Variants in SPACA6 observed in about 807,000 individuals in gnomAD.
The protein encoded by SPACA6 is sperm acrosome associated 6.
For synonymous variants in SPACA6, 6 were observed against 1.5 expected (o/e 4.05, Z -2.21); for missense variants, 8 against 2.8 (o/e 2.88, Z -1.34).
At chr19:51,706,102 T>G (rs1229160812), downstream of SPACA6, among the ~76,000 whole-genome samples, 1 of 152,162 alleles carries the variant, frequency 6.6e-6, no homozygotes, top group East Asian at 1.9e-4. Context: ...TGTCAAAGCC[T>G]CAGAGGTTCC....
At chr19:51,683,056 A>T in the SPACA6 span, among the ~76,000 whole-genome samples, 4 of 152,198 alleles carry the variant, frequency 2.6e-5, no homozygotes, top group African/African-American at 7.2e-5. Context: ...ACAAACAAGC[A>T]AAAACAGAAA....
chr19:51,700,400 T>C (rs2083459950), intron 2 of SPACA6, among the ~76,000 whole-genome samples: 1 of 152,234 alleles, frequency 6.6e-6, no homozygotes, highest in African/African-American at 2.4e-5. Context: ...CTCCAGCTAA[T>C]TGCTGCCTTA....
At chr19:51,702,029 A>C (rs1008755547) in intron 3 of SPACA6, among the ~76,000 whole-genome samples, 1 of 151,864 alleles carries the variant, frequency 6.6e-6, no homozygotes, top group Non-Finnish European at 1.5e-5. Context: ...CGAGATCGGC[A>C]CTCCAGCCTG....
At chr19:51,701,874 A>T (rs2083471050) in intron 3 of SPACA6, 148 bp downstream of exon 3, 4 of 374,116 alleles carry the variant, frequency 1.1e-5, no homozygotes, top group Non-Finnish European at 1.9e-5. Flanking sequence ...GGAGTTCAAA[A>T]GCAGTCTGAC....
upstream of SPACA6, among the ~76,000 whole-genome samples, chr19:51,691,903 A>T (rs368438194): frequency 6.6e-6 from 1 of 152,164 alleles, no homozygotes; most frequent in East Asian, 1.9e-4. Context: ...GGGGCTGGGC[A>T]GACTTTGGGA....
chr19:51,689,956 G>GT (rs2083355425), upstream of SPACA6, among the ~76,000 whole-genome samples: 1 of 146,280 alleles, frequency 6.8e-6, no homozygotes, highest in African/African-American at 2.5e-5. Context: ...CTGGAGGGGA[G>GT]GGGGAGGCGC....
Position 51,704,475 on chromosome 19 carries a change from G to T in SPACA6, c.936G>T (p.Leu312Phe), listed in dbSNP as rs1365138781. The change falls in exon 8 of 9, where the codon TTG (leucine) becomes TTT (phenylalanine). Residue 312 changes from leucine (L) to phenylalanine (F), a missense_variant. Coordinates refer to ENST00000637797, the MANE Select transcript of SPACA6 (RefSeq NM_001316972.2). ...GALASASATV[L>F]AWMFFRWYCS... Reference sequence around the variant, plus strand: ...TCGCATCAGCGAGTGCGACAGTGTTGGCGTGGTGAGTTCTGGGGACTCCGG... The same window carrying T: ...TCGCATCAGCGAGTGCGACAGTGTTTGCGTGGTGAGTTCTGGGGACTCCGG... The T allele has an allele frequency of 1.2e-5, 5 of 400,996 alleles. No individual in the cohort carries two copies. Among genetic ancestry groups the T allele is most frequent in the Middle Eastern group, 3.1e-4 (1 of 3,234 alleles). 24.8% of individuals were successfully genotyped at this position (400,996 alleles called of 1,614,324 possible). A position where few individuals can be genotyped will look rare whatever the true frequency, so the allele number is the denominator to read the frequency against.
At chr19:51,702,684 G>C (rs1243389965) in intron 4 of SPACA6, 32 bp downstream of exon 4, 1 of 399,090 alleles carries the variant, frequency 2.5e-6, no homozygotes, top group African/African-American at 2.1e-5. Context: ...TGGAAATTGC[G>C]GGGTAAGGGA....
intron 2 of SPACA6, among the ~76,000 whole-genome samples, chr19:51,697,355 G>A (rs1340675325): frequency 2.0e-5 from 3 of 152,152 alleles, no homozygotes; most frequent in African/African-American, 7.2e-5. Flanking sequence ...AGTGGTCCGG[G>A]GGCCCAGATG....
At chr19:51,689,952 G>T (rs556865447), upstream of SPACA6, among the ~76,000 whole-genome samples, 24 of 151,446 alleles carry the variant, frequency 1.6e-4, no homozygotes, top group East Asian at 4.5e-3. Flanking sequence ...CTGGCTGGAG[G>T]GGAGGGGGAG....
intron 2 of SPACA6, among the ~76,000 whole-genome samples, chr19:51,701,075 A>C (rs113218258): frequency 0.056 from 8,518 of 152,124 alleles, 337 homozygotes; most frequent in East Asian, 0.12. Context: ...CACAAAAATT[A>C]GCCAGGCGTG....
chr19:51,702,281 G>T (rs1454021525), intron 3 of SPACA6, among the ~76,000 whole-genome samples: 2 of 151,942 alleles, frequency 1.3e-5, no homozygotes, highest in South Asian at 2.1e-4. Context: ...CACCACCTTA[G>T]CCTTGGTCTC....
upstream of SPACA6, chr19:51,689,509 G>A (rs1002431438): frequency 8.6e-5 from 13 of 151,692 alleles, no homozygotes; most frequent in African/African-American, 3.1e-4. Context: ...GCGCTCGGCG[G>A]CGGTGGGGCC....
chr19:51,704,583 C>G (rs768904857), intron 8 of SPACA6, 103 bp downstream of exon 8: 60 of 399,740 alleles, frequency 1.5e-4, no homozygotes, highest in Non-Finnish European at 2.4e-4. Context: ...GGAGGTCAGG[C>G]TTTCAGTTCC....
intron 2 of SPACA6, among the ~76,000 whole-genome samples, chr19:51,695,680 G>A (rs2083424782): frequency 6.6e-6 from 1 of 152,190 alleles, no homozygotes; most frequent in Non-Finnish European, 1.5e-5. Context: ...CACATAGGCT[G>A]CCTTGTTACA....
At chr19:51,691,413 A>G (rs2083371572), upstream of SPACA6, among the ~76,000 whole-genome samples, 1 of 149,510 alleles carries the variant, frequency 6.7e-6, no homozygotes, top group African/African-American at 2.5e-5. Flanking sequence ...AGGGTGAGAA[A>G]GAGGAGAGAG....
upstream of SPACA6, among the ~76,000 whole-genome samples, chr19:51,689,835 C>T (rs902976460): frequency 6.6e-6 from 1 of 151,562 alleles, no homozygotes; most frequent in Non-Finnish European, 1.5e-5. Flanking sequence ...GGGGCTGGGG[C>T]TGGTAGGATC....
At chr19:51,702,047 G>A (rs886700678) in intron 3 of SPACA6, among the ~76,000 whole-genome samples, 3 of 152,136 alleles carry the variant, frequency 2.0e-5, no homozygotes, top group Non-Finnish European at 2.9e-5. Flanking sequence ...CTGGGTGACA[G>A]AGCAAGACTC....
chr19:51,710,316 A>G (rs1308685577), downstream of SPACA6, among the ~76,000 whole-genome samples: 1 of 152,134 alleles, frequency 6.6e-6, no homozygotes, highest in Non-Finnish European at 1.5e-5. Flanking sequence ...GTGCTTGGTG[A>G]ATGTTTTGGT....
Sources: allele counts gnomAD v4.1 joint callset (sites outside exome capture counted in the v4.1 genomes callset), GRCh38; gene constraint gnomAD v4.1.1; transcripts MANE v1.5; gene names NCBI Gene and HGNC (gene_info 2026-07-23, HGNC 2026-07-21).